Variants in CMIP observed in about 807,000 individuals in gnomAD.
The protein encoded by CMIP is c-Maf inducing protein.
A neutral mutation model predicts 97.3 loss-of-function variants in CMIP; 13 were observed. The ratio of observed to expected loss-of-function variants is 0.13; its 90% confidence interval spans 0.09 to 0.21. The LOEUF (loss-of-function observed/expected upper bound fraction) is 0.21. Among genes scored for constraint, CMIP ranks in the 10% least tolerant of loss-of-function variants. CMIP has a pLI of 1.00. For synonymous variants in CMIP, 538 were observed against 436.3 expected (o/e 1.23, Z -2.91); for missense variants, 847 against 1,024.9 (o/e 0.83, Z 2.37).
chr16:81,696,311 C>A, intron 13 of CMIP: 1 of 572,548 alleles, frequency 1.7e-6, no homozygotes, highest in Admixed American at 3.1e-5. Flanking sequence ...AAGCCGGGGC[C>A]TGCCCTCCCT....
chr16:81,485,949 C>T (rs1279384658), intron 1 of CMIP, among the ~76,000 whole-genome samples: 2 of 152,188 alleles, frequency 1.3e-5, no homozygotes, highest in African/African-American at 2.4e-5. Flanking sequence ...ATGAGTCACT[C>T]AGGCGCTGTG....
rs150154105 is a variant in CMIP, at chr16:81,663,003, G to A, written c.745-1266G>A. The stretch of plus-strand genomic sequence containing the variant: ...TATTAAATAAGGACCCTGTCAGAAC[G>A]CCTATGTGTACCATCTGAAATAGTC... On this transcript the variant is annotated intron_variant, in intron 6 of 20. Coordinates refer to ENST00000537098, the MANE Select transcript of CMIP (RefSeq NM_198390.3). Among the ~76,000 whole-genome samples, 235 of 151,744 alleles carry A rather than the reference G, an allele frequency of 1.5e-3. 1 individual carries two copies. In the East Asian group the frequency reaches 0.019, roughly 12 times the overall value.
rs187823855 is a variant in CMIP, at chr16:81,610,241, C to T, written c.426+2549C>T. ...TGTCCCTTTAACCCGGCTGTGGCCGCGGGCCCAGCTGTGATGACTCGCCTG... is the reference window on the plus strand; with the variant it reads ...TGTCCCTTTAACCCGGCTGTGGCCGTGGGCCCAGCTGTGATGACTCGCCTG... On this transcript the variant is annotated intron_variant, in intron 2 of 20. Transcript: ENST00000537098. 2.1e-3 allele frequency: 1,862 copies of T among 867,158 alleles called. 26 individuals are homozygous for T. In the African/African-American group the frequency reaches 0.03, roughly 14 times the overall value. 53.7% of individuals were successfully genotyped at this position (867,158 alleles called of 1,614,324 possible).
rs1242526634 is a variant in CMIP at position 81,699,783 on chromosome 16, G to A, written c.1737G>A (p.Gly579=). ...CCTGCATGCTCCTGGCACTGAGGGG[G>A]AACCAGACCATGGTGGAGGTAAGGA... ...LGPCMLLALR[G]NQTMVEILCL... The change falls in exon 15 of 21, where the codon GGG becomes GGA. Residue 579 remains glycine (G), a synonymous_variant. Coordinates refer to ENST00000537098, the MANE Select transcript of CMIP (RefSeq NM_198390.3). 6.2e-7 allele frequency: 1 copy of A among 1,612,222 alleles called. No individual in the cohort carries two copies. Among genetic ancestry groups the A allele is most frequent in the East Asian group, 2.2e-5 (1 of 44,854 alleles).
chr16:81,510,435 T>A (rs2089789543), intron 1 of CMIP, among the ~76,000 whole-genome samples: 1 of 152,226 alleles, frequency 6.6e-6, no homozygotes, highest in Admixed American at 6.5e-5. Context: ...TTGGTTTGGA[T>A]TAGTTTAATC....
chr16:81,699,950 G>A, intron 15 of CMIP, 149 bp downstream of exon 15: 1 of 599,846 alleles, frequency 1.7e-6, no homozygotes, highest in Non-Finnish European at 3.0e-6. Context: ...AGCTTAGTGG[G>A]AGCCTCGAGC....
intron 1 of CMIP, among the ~76,000 whole-genome samples, chr16:81,540,508 CCAGG>C (rs542496419): frequency 6.6e-6 from 1 of 152,056 alleles, no homozygotes; most frequent in African/African-American, 2.4e-5. Context: ...TTGCCATTGC[CCAGG>C]CAGGGCTTGA....
intron 1 of CMIP, among the ~76,000 whole-genome samples, chr16:81,540,735 C>A (rs910579804): frequency 6.6e-6 from 1 of 151,146 alleles, no homozygotes; most frequent in African/African-American, 2.4e-5. Flanking sequence ...AGCTGGAGTG[C>A]AGTGGCGCGA....
chr16:81,504,988 A>T (rs555591627), intron 1 of CMIP, among the ~76,000 whole-genome samples: 2 of 152,274 alleles, frequency 1.3e-5, no homozygotes, highest in African/African-American at 4.8e-5. Context: ...TGAATCAGCC[A>T]GTGAGGCTGG....
chr16:81,660,461 G>A (rs894503580), intron 5 of CMIP, among the ~76,000 whole-genome samples: 1 of 151,976 alleles, frequency 6.6e-6, no homozygotes, highest in Non-Finnish European at 1.5e-5. Flanking sequence ...TTTTGGTAGA[G>A]ACGGAGTTTC....
At chr16:81,471,922 T>C (rs891897218) in intron 1 of CMIP, among the ~76,000 whole-genome samples, 2 of 152,216 alleles carry the variant, frequency 1.3e-5, no homozygotes, top group African/African-American at 4.8e-5. Context: ...AAGAATTGTC[T>C]GGAATTTTCC....
intron 2 of CMIP, chr16:81,610,664 C>A: frequency 2.9e-6 from 1 of 343,978 alleles, no homozygotes; most frequent in Non-Finnish European, 4.1e-6. Context: ...ACACTCTGCC[C>A]ACCGTGATGC....
At chr16:81,535,870 A>G (rs2090333090) in intron 1 of CMIP, among the ~76,000 whole-genome samples, 1 of 152,030 alleles carries the variant, frequency 6.6e-6, no homozygotes, top group African/African-American at 2.4e-5. Context: ...AGCTCCTAGG[A>G]CTCCAGGTCA....
chr16:81,711,648 C>T lies in CMIP; in HGVS notation c.*1849C>T, dbSNP rs1908792068. 1 of 151,156 alleles carries T rather than the reference C, an allele frequency of 6.6e-6. No homozygotes were observed. The highest frequency in any genetic ancestry group is 2.4e-5 in the African/African-American group (1 of 40,974). The allele number at this position is 151,156 out of a possible 1,614,324, so 9.4% of individuals were successfully genotyped here. A position where few individuals can be genotyped will look rare whatever the true frequency, so the allele number is the denominator to read the frequency against. On this transcript the variant is annotated 3_prime_UTR_variant, in exon 21 of 21. Coordinates refer to ENST00000537098, the MANE Select transcript of CMIP (RefSeq NM_198390.3). ...AAAAAAAAGAAGAAACAAGACATGC[C>T]ACCTTTCCCCTCGCACTGTTGCTTT...
chr16:81,499,818 A>G (rs575842452), intron 1 of CMIP, among the ~76,000 whole-genome samples: 93 of 152,220 alleles, frequency 6.1e-4, no homozygotes, highest in African/African-American at 2.2e-3. Flanking sequence ...CTGCCCAGCA[A>G]CTCGCAGTTG....
At chr16:81,603,537 A>G in intron 1 of CMIP, 1 of 438,580 alleles carries the variant, frequency 2.3e-6, no homozygotes, top group South Asian at 1.6e-5. Flanking sequence ...CTTGTGAACC[A>G]ATATTGATAC....
chr16:81,469,241 C>T (rs1907383522), intron 1 of CMIP, among the ~76,000 whole-genome samples: 1 of 152,212 alleles, frequency 6.6e-6, no homozygotes, highest in Non-Finnish European at 1.5e-5. Context: ...AAAGAATTGT[C>T]ACGTATAGGA....
At chr16:81,511,206 G>A (rs1478071201) in intron 1 of CMIP, among the ~76,000 whole-genome samples, 2 of 152,098 alleles carry the variant, frequency 1.3e-5, no homozygotes, top group African/African-American at 2.4e-5. Context: ...TAGTTCATCA[G>A]AAATGACTTA....
chr16:81,522,580 A>G (rs2090049438), intron 1 of CMIP, among the ~76,000 whole-genome samples: 2 of 152,254 alleles, frequency 1.3e-5, no homozygotes, highest in Non-Finnish European at 2.9e-5. Context: ...AATCAGTAGG[A>G]CATGTGGCTT....
Sources: gnomAD v4.1 joint callset for allele counts (sites outside exome capture counted in the v4.1 genomes callset) on GRCh38, gnomAD v4.1.1 for gene constraint, MANE v1.5 for transcripts, NCBI Gene and HGNC (gene_info 2026-07-23, HGNC 2026-07-21) for gene names.